Variants in FIRRM observed in about 807,000 individuals in gnomAD.
FIRRM encodes FIGNL1 interacting regulator of recombination and mitosis, also known as FIGNL1-interacting regulator of recombination and mitosis.
At chr1:169,827,602 CACTCCAGGCTGGGTG>C in the FIRRM span, 1 of 1,195,498 alleles carries the variant, frequency 8.4e-7, no homozygotes, top group Non-Finnish European at 1.2e-6. Flanking sequence ...TACACCACTG[CACTCCAGGCTGGGTG>C]ACAGAGTGAG....
At chr1:169,853,911 GAGCTC>G in the FIRRM span, 1 of 914,556 alleles carries the variant, frequency 1.1e-6, no homozygotes, top group Non-Finnish European at 1.6e-6. Context: ...AAATAACTTA[GAGCTC>G]TAACAGAAAG....
At chr1:169,840,341 C>T in the FIRRM span, among the ~76,000 whole-genome samples, 3 of 152,112 alleles carry the variant, frequency 2.0e-5, no homozygotes, top group Non-Finnish European at 4.4e-5. Flanking sequence ...GATACTGACT[C>T]TTCCAATCTA....
At chr1:169,831,974 G>C in the FIRRM span, among the ~76,000 whole-genome samples, 1 of 152,256 alleles carries the variant, frequency 6.6e-6, no homozygotes, top group African/African-American at 2.4e-5. Context: ...GCCCAGGCTA[G>C]TTTCAAACTC....
At chr1:169,804,266 G>T in the FIRRM span, 1 of 1,391,548 alleles carries the variant, frequency 7.2e-7, no homozygotes, top group South Asian at 1.9e-5. Context: ...TTTCTGCTTA[G>T]TATATGGTGA....
chr1:169,840,039 A>G, the FIRRM span, among the ~76,000 whole-genome samples: 4 of 152,082 alleles, frequency 2.6e-5, no homozygotes, highest in African/African-American at 9.7e-5. Context: ...GGCTGTAGGT[A>G]TGTGGCTTTA....
the FIRRM span, among the ~76,000 whole-genome samples, chr1:169,790,202 G>C: frequency 6.6e-6 from 1 of 151,658 alleles, no homozygotes; most frequent in African/African-American, 2.4e-5. Context: ...TTTGTTGAGA[G>C]AGTCTTTCCC....
At chr1:169,794,887 G>A in the FIRRM span, 4 of 554,302 alleles carry the variant, frequency 7.2e-6, no homozygotes, top group Non-Finnish European at 1.3e-5. Flanking sequence ...CGCCTCCTCC[G>A]GACCTAAATC....
the FIRRM span, among the ~76,000 whole-genome samples, chr1:169,828,793 G>T: frequency 7.9e-5 from 12 of 152,216 alleles, no homozygotes; most frequent in Non-Finnish European, 1.8e-4. Flanking sequence ...TGATCTTCCC[G>T]CCTCGGCCTC....
chr1:169,851,979 AT>A, the FIRRM span: 5 of 1,613,482 alleles, frequency 3.1e-6, no homozygotes, highest in Non-Finnish European at 4.2e-6. Context: ...AACAAGGCAA[AT>A]TCTGCCCTTT....
chr1:169,844,891 T>G, the FIRRM span, among the ~76,000 whole-genome samples: 1 of 152,210 alleles, frequency 6.6e-6, no homozygotes, highest in Non-Finnish European at 1.5e-5. Flanking sequence ...GTTTGCAGAT[T>G]ATGGCCTTCT....
At chr1:169,806,096 T>G in the FIRRM span, 3 of 1,538,514 alleles carry the variant, frequency 1.9e-6, no homozygotes, top group African/African-American at 4.1e-5. Context: ...TAAGTAAGTT[T>G]GTTTGTTATT....
chr1:169,804,002 G>T, the FIRRM span: 1 of 961,190 alleles, frequency 1.0e-6, no homozygotes, highest in Non-Finnish European at 1.5e-6. Context: ...ATCTCTAATA[G>T]TATGAATTAA....
chr1:169,788,494 CTGTT>C, the FIRRM span, among the ~76,000 whole-genome samples: 77 of 152,238 alleles, frequency 5.1e-4, no homozygotes, highest in African/African-American at 1.7e-3. Flanking sequence ...TCTTAGTTGA[CTGTT>C]TATGTTATCT....
the FIRRM span, chr1:169,801,051 T>C: frequency 1.4e-6 from 1 of 696,592 alleles, no homozygotes; most frequent in Admixed American, 2.9e-5. Flanking sequence ...ATTATGGCTC[T>C]CTTTTTCTAA....
the FIRRM span, chr1:169,830,239 AT>A: frequency 6.3e-7 from 1 of 1,583,046 alleles, no homozygotes; most frequent in Non-Finnish European, 8.6e-7. Context: ...AAATAAATTA[AT>A]TTTTCTGTTT....
the FIRRM span, among the ~76,000 whole-genome samples, chr1:169,796,186 A>G: frequency 3.9e-5 from 6 of 152,328 alleles, no homozygotes; most frequent in East Asian, 1.2e-3. Flanking sequence ...CCCCTTTTTT[A>G]GTTTTTGTGT....
chr1:169,822,888 G>A, the FIRRM span, among the ~76,000 whole-genome samples: 1 of 152,162 alleles, frequency 6.6e-6, no homozygotes, highest in African/African-American at 2.4e-5. Flanking sequence ...AGTTTTTAAC[G>A]TTTGAACATT....
chr1:169,791,521 T>G, the FIRRM span, among the ~76,000 whole-genome samples: 1 of 152,080 alleles, frequency 6.6e-6, no homozygotes, highest in Non-Finnish European at 1.5e-5. Flanking sequence ...TGGTTCAAGG[T>G]GAGAAATGTG....
At chr1:169,850,234 A>G in the FIRRM span, 1 of 1,444,842 alleles carries the variant, frequency 6.9e-7, no homozygotes, top group South Asian at 1.2e-5. Context: ...TGAAATGTTA[A>G]AATTGGTCTT....
Sources: gnomAD v4.1 joint callset for allele counts (sites outside exome capture counted in the v4.1 genomes callset) on GRCh38, gnomAD v4.1.1 for gene constraint, MANE v1.5 for transcripts, NCBI Gene and HGNC (gene_info 2026-07-23, HGNC 2026-07-21) for gene names.